RYR1: variants seen among roughly 807,000 people sequenced by gnomAD.
RYR1 encodes the protein central core disease of muscle.
A neutral mutation model predicts 583.5 loss-of-function variants in RYR1; 342 were observed. That is an observed-to-expected ratio of 0.59 (90% CI 0.54 to 0.64). The LOEUF (loss-of-function observed/expected upper bound fraction) is 0.64. Among genes scored for constraint, RYR1 ranks in the 30% least tolerant of loss-of-function variants. RYR1 has a pLI of 0.00. For missense variants in RYR1, 6,032 were observed against 6,917.2 expected (o/e 0.87, Z 4.54); for synonymous variants, 2,791 against 2,822.5 (o/e 0.99, Z 0.35).
intron 101 of RYR1, among the ~76,000 whole-genome samples, chr19:38,584,035 C>T (rs1325226604): frequency 6.6e-6 from 1 of 152,020 alleles, no homozygotes; most frequent in Non-Finnish European, 1.5e-5. Flanking sequence ...TGGGAACACT[C>T]TCCCACCACC....
intron 96 of RYR1, among the ~76,000 whole-genome samples, chr19:38,574,623 C>A (rs997185049): frequency 6.6e-6 from 1 of 151,836 alleles, no homozygotes; most frequent in African/African-American, 2.4e-5. Flanking sequence ...CAGAGCAAGA[C>A]CCTATGTCTG....
chr19:38,572,137 G>C lies in RYR1; in HGVS notation c.13865G>C (p.Gly4622Ala), dbSNP rs760940805. The change falls in exon 95 of 106, where the codon GGC (glycine) becomes GCC (alanine). Residue 4622 changes from glycine (G) to alanine (A), a missense_variant. Gly to Ala is a moderately conservative substitution (Grantham distance 60). This residue lies in a region of RYR1 where 188 missense variants were observed against 215.6 expected (regional missense o/e 0.87). Transcript: ENST00000359596. ...TTGGGGGCCGGAGAGGAGGCAGAGG[G>C]CGATGAGGATGAGAACATGGTGTAC... ...WGLGAGEEAE[G>A]DEDENMVYYF... is the part of the protein sequence containing the mutation. The C allele has an allele frequency of 1.9e-6, 3 of 1,613,882 alleles. No individual in the cohort carries two copies. Among genetic ancestry groups the C allele is most frequent in the African/African-American group, 2.7e-5 (2 of 74,920 alleles).
rs780579604 is a variant in RYR1, at chr19:38,483,447, G to T, written c.4865G>T (p.Arg1622Leu). Residue 1622 changes from arginine to leucine, a missense_variant, in exon 33 of 106, where the codon CGG becomes CTG. Arg to Leu is a moderately radical substitution (Grantham distance 102). Coordinates refer to ENST00000359596, the MANE Select transcript of RYR1 (RefSeq NM_000540.3). The surrounding 1 kb of genome is among the most constrained non-coding windows in gnomAD (Gnocchi z 6.3). ...LQVETRRAGE[R>L]LGWAVQCQEP... Reference sequence around the variant, plus strand: ...GTGGAGACGAGGCGTGCCGGCGAGCGGCTGGGCTGGGCCGTGCAGTGCCAG... The same window carrying T: ...GTGGAGACGAGGCGTGCCGGCGAGCTGCTGGGCTGGGCCGTGCAGTGCCAG... 1 of 1,571,374 alleles carries T rather than the reference G, an allele frequency of 6.4e-7. No individual in the cohort carries two copies.
Position 38,507,738 on chromosome 19 carries a change from C to T in RYR1, c.8843C>T (p.Ser2948Leu). ...TRGLKDMELD[S>L]SSIEKRFAFG... Reference sequence around the variant, plus strand: ...GGCCTTAAGGACATGGAACTGGACTCGTCTTCCATTGAAAAGCGGTTTGCC... The same window carrying T: ...GGCCTTAAGGACATGGAACTGGACTTGTCTTCCATTGAAAAGCGGTTTGCC... Residue 2948 changes from serine (S) to leucine (L), a missense_variant, in exon 58 of 106, where the codon TCG becomes TTG. This residue lies in a region of RYR1 where 1,493 missense variants were observed against 1,715.5 expected (regional missense o/e 0.87). Coordinates refer to ENST00000359596, the MANE Select transcript of RYR1 (RefSeq NM_000540.3). 1 of 1,613,034 alleles carries T rather than the reference C, an allele frequency of 6.2e-7. No individual in the cohort carries two copies. The highest frequency in any genetic ancestry group is 8.5e-7 in the Non-Finnish European group (1 of 1,179,054).
At chr19:38,519,160 T>C in intron 66 of RYR1, 54 bp from the exon 67 acceptor site, 1 of 1,613,408 alleles carries the variant, frequency 6.2e-7, no homozygotes, top group East Asian at 2.2e-5. Flanking sequence ...GAACGGAGTT[T>C]GGGGCCTGTG....
chr19:38,455,262 A>G lies in RYR1; in HGVS notation c.1468A>G (p.Ile490Val). 3 of 1,614,108 alleles carry G rather than the reference A, an allele frequency of 1.9e-6. No homozygotes were observed. The highest frequency in any genetic ancestry group is 1.1e-5 in the South Asian group (1 of 91,072). Residue 490 changes from isoleucine to valine, a missense_variant, in exon 14 of 106, where the codon ATA (isoleucine) becomes GTA (valine). This residue lies in a region of RYR1 where 2,627 missense variants were observed against 2,961.3 expected (regional missense o/e 0.89). Transcript: ENST00000359596. Reference protein sequence around the residue: ...EGMLSMVLNCIDRLNVYTTAA... With the variant: ...EGMLSMVLNCVDRLNVYTTAA... The stretch of plus-strand genomic sequence containing the variant: ...GATGCTCTCCATGGTCCTGAATTGC[A>G]TAGACCGCCTAAATGTCTACACCAC...
intron 16 of RYR1, among the ~76,000 whole-genome samples, chr19:38,456,564 G>A (rs1967405845): frequency 6.6e-6 from 1 of 151,392 alleles, no homozygotes; most frequent in African/African-American, 2.4e-5. Flanking sequence ...TTACAGGTGT[G>A]AGCCACCGTG....
At chr19:38,564,629 T>C (rs1478203033) in intron 90 of RYR1, among the ~76,000 whole-genome samples, 1 of 151,882 alleles carries the variant, frequency 6.6e-6, no homozygotes, top group Non-Finnish European at 1.5e-5. Flanking sequence ...GTTATTCTCC[T>C]ACCTCAGCCT....
Position 38,496,242 on chromosome 19 carries a change from C to T in RYR1, c.6576C>T (p.Tyr2192=), listed in dbSNP as rs1600807753. 1 of 1,613,872 alleles carries T rather than the reference C, an allele frequency of 6.2e-7. No individual in the cohort carries two copies. Among genetic ancestry groups the T allele is most frequent in the Non-Finnish European group, 8.5e-7 (1 of 1,180,026 alleles). Residue 2192 remains tyrosine (Y), a synonymous_variant, in exon 40 of 106, where the codon TAC becomes TAT. Transcript: ENST00000359596. The surrounding 1 kb of genome is among the most constrained non-coding windows in gnomAD (Gnocchi z 4.8). ...ACATCATGAACAACAAAGTCTTCTACCAACACCCGAACCTGATGAGGGCGC... is the reference window on the plus strand; with the variant it reads ...ACATCATGAACAACAAAGTCTTCTATCAACACCCGAACCTGATGAGGGCGC... ...IGNIMNNKVF[Y]QHPNLMRALG...
At chr19:38,527,811 A>G in intron 73 of RYR1, 27 bp downstream of exon 73, 2 of 1,609,646 alleles carry the variant, frequency 1.2e-6, no homozygotes, top group Non-Finnish European at 1.7e-6. Flanking sequence ...GGGTCTTTCT[A>G]CTGGGTCTCT....
rs1972268548 is a variant in RYR1 at position 38,543,061 on chromosome 19, C to CA, written c.11690-283dup. Among the ~76,000 whole-genome samples, 1 of 152,104 alleles carries CA rather than the reference C, an allele frequency of 6.6e-6. No homozygotes were observed. The highest frequency in any genetic ancestry group is 1.5e-5 in the Non-Finnish European group (1 of 68,026). On this transcript the variant is annotated intron_variant, in intron 84 of 105. Transcript: ENST00000359596. The surrounding 1 kb of genome is among the most constrained non-coding windows in gnomAD (Gnocchi z 4.4). ...TTCACCATGTTGGTCAGGCTGGTCT[C>CA]AAACTCCTGACCTCAGGTGATCTGC...
rs750623971 is a variant in RYR1 at position 38,455,559 on chromosome 19, G to A, written c.1672+13G>A. On this transcript the variant is annotated intron_variant, in intron 15 of 105. Transcript: ENST00000359596. ...GAGGCCTCGTCTGGTAGGAGAACCC[G>A]GGGGAGTGGGACAGAGGCTTGTGGG... 2.2e-5 allele frequency: 36 copies of A among 1,613,366 alleles called. 1 individual carries two copies. The highest frequency in any genetic ancestry group is 2.1e-4 in the African/African-American group (16 of 74,866).
chr19:38,536,849 A>T (rs1216869404), intron 83 of RYR1, 82 bp downstream of exon 83: 1 of 1,466,324 alleles, frequency 6.8e-7, no homozygotes, highest in East Asian at 2.3e-5. Flanking sequence ...CTAGGGGCTG[A>T]GGATCTGGGA....
intron 1 of RYR1, among the ~76,000 whole-genome samples, chr19:38,437,416 GC>G (rs2145305810): frequency 6.6e-6 from 1 of 152,230 alleles, no homozygotes; most frequent in Admixed American, 6.5e-5. Flanking sequence ...CTCTGTCGCT[GC>G]TTTGCACTCT....
rs1174624799 is a variant in RYR1, at chr19:38,569,029, G to C, written c.13659+1112G>C. Among the ~76,000 whole-genome samples the C allele has an allele frequency of 2.1e-5, 3 of 144,148 alleles. No homozygotes were observed. The East Asian group carries it at 6.3e-4, about 31-fold the overall frequency. 94.6% of individuals were successfully genotyped at this position (144,148 alleles called of 152,430 possible). On this transcript the variant is annotated intron_variant, in intron 93 of 105. Coordinates refer to ENST00000359596, the MANE Select transcript of RYR1 (RefSeq NM_000540.3). The stretch of plus-strand genomic sequence containing the variant: ...CTACAAAAGAATTTTTTTTTTTTTT[G>C]AGACGGAGTCTCGCTCTGTTGCCCA...
At chr19:38,479,671 C>G (rs1208900279) in intron 31 of RYR1, among the ~76,000 whole-genome samples, 2 of 151,866 alleles carry the variant, frequency 1.3e-5, no homozygotes, top group Non-Finnish European at 2.9e-5. Context: ...CCTTGGCCTC[C>G]CAAAATGCTG....
chr19:38,502,534 C>A lies in RYR1; in HGVS notation c.7642C>A (p.Leu2548Met). 1 of 1,609,758 alleles carries A rather than the reference C, an allele frequency of 6.2e-7. No homozygotes were observed. The change falls in exon 48 of 106, where the codon CTG (leucine) becomes ATG (methionine). Residue 2548 changes from leucine (L) to methionine (M), a missense_variant. Around this residue, in one of 11 missense-constraint regions of RYR1, gnomAD observed 250 missense variants for 162.3 expected, o/e 1.54. Transcript: ENST00000359596. ...TATFSTTEMA[L>M]ALNRYLCLAV... ...CACTTTCAGCACCACCGAGATGGCG[C>A]TGGCGCTGAACCGCTACCTGTGCCT...
At chr19:38,493,555 G>T (rs186326026) in intron 38 of RYR1, among the ~76,000 whole-genome samples, 2 of 144,044 alleles carry the variant, frequency 1.4e-5, no homozygotes, top group Non-Finnish European at 3.0e-5. Flanking sequence ...TCACTGCGTC[G>T]CCCAGGCTAG....
intron 89 of RYR1, among the ~76,000 whole-genome samples, chr19:38,553,318 G>C (rs982690396): frequency 2.1e-5 from 3 of 143,606 alleles, no homozygotes; most frequent in Non-Finnish European, 4.5e-5. Context: ...CTGGGTGACA[G>C]AGTGTGACTC....
Sources: allele counts gnomAD v4.1 joint callset (sites outside exome capture counted in the v4.1 genomes callset), GRCh38; gene constraint gnomAD v4.1.1; regional missense constraint gnomAD v4.1.1; non-coding constraint Gnocchi (gnomAD v3.1); transcripts MANE v1.5; gene names NCBI Gene and HGNC (gene_info 2026-07-23, HGNC 2026-07-21).